HSD17B12: variants seen among roughly 807,000 people sequenced by gnomAD.
HSD17B12 encodes hydroxysteroid 17-beta dehydrogenase 12.
A neutral mutation model predicts 39.3 loss-of-function variants in HSD17B12; 32 were observed. The ratio of observed to expected loss-of-function variants is 0.81; its 90% CI spans 0.61 to 1.09. The LOEUF is 1.09. Ranked by LOEUF, HSD17B12 falls within the 50% of genes least tolerant of loss-of-function variation. HSD17B12 has a pLI of 0.00. For synonymous variants in HSD17B12, 150 were observed against 146.7 expected, an observed-to-expected ratio of 1.02 and a Z score of -0.16; for missense variants, 342 against 382.9, an observed-to-expected ratio of 0.89 and a Z score of 0.89.
chr11:43,754,517 A>G (rs1460192820), intron 3 of HSD17B12, among the ~76,000 whole-genome samples: 1 of 152,336 alleles, frequency 6.6e-6, no homozygotes, highest in East Asian at 1.9e-4. Flanking sequence ...TGGAAGTTGC[A>G]GTGAGCCAAG....
At chr11:43,798,272 G>A in intron 3 of HSD17B12, 48 bp from the exon 4 acceptor site, 3 of 1,061,076 alleles carry the variant, frequency 2.8e-6, no homozygotes, top group Middle Eastern at 2.5e-4. Context: ...TCACTGCCAT[G>A]TACTAATTTT....
intron 1 of HSD17B12, among the ~76,000 whole-genome samples, chr11:43,737,466 ATTC>A (rs1950327122): frequency 6.6e-6 from 1 of 152,184 alleles, no homozygotes; most frequent in African/African-American, 2.4e-5. Flanking sequence ...AAGTTGGGCT[ATTC>A]TTTATAGTTG....
chr11:43,561,685 C>CT, the HSD17B12 span, among the ~76,000 whole-genome samples: 12,110 of 151,086 alleles, frequency 0.08, 941 homozygotes, highest in East Asian at 0.45. Context: ...CACAAACACC[C>CT]TTTTTTTTTG....
the HSD17B12 span, among the ~76,000 whole-genome samples, chr11:43,652,628 C>T: frequency 2.0e-5 from 3 of 151,840 alleles, no homozygotes; most frequent in Admixed American, 1.3e-4. Flanking sequence ...AATTTGCTAG[C>T]GTGGCTCACA....
In HSD17B12 at chr11:43,855,309, G is replaced by A; in HGVS notation, c.*61G>A. 1.1e-6 allele frequency: 1 copy of A among 937,522 alleles called. No homozygotes were observed. The highest frequency in any genetic ancestry group is 1.6e-6 in the Non-Finnish European group (1 of 619,678). The allele number at this position is 937,522 out of a possible 1,614,324, so 58.1% of individuals were successfully genotyped here. ...CCAGCATATGCACGTTCACTGCAAA[G>A]CACCCTACTGGTTTTGAAAATCTGA... On this transcript the variant is annotated 3_prime_UTR_variant, in exon 11 of 11. Transcript: ENST00000278353.
rs112651963 is a variant in HSD17B12, at chr11:43,681,926, A to G, written c.160+939A>G. 1.1e-4 allele frequency among the ~76,000 whole-genome samples: 15 copies of G among 136,460 alleles called. No homozygotes were observed. In the East Asian group the frequency reaches 1.3e-3, roughly 12 times the overall value. 89.5% of individuals were successfully genotyped at this position (136,460 alleles called of 152,430 possible). A position where few individuals can be genotyped will look rare whatever the true frequency, so the allele number is the denominator to read the frequency against. ...TTCCCTTTAAACCGAGTGATTACTT[A>G]TGATATGCTTGTGGTCCTACCCTGA... is the stretch of plus-strand genomic sequence containing the variant. On this transcript the variant is annotated intron_variant, in intron 1 of 10. Transcript: ENST00000278353.
Position 43,831,150 on chromosome 11 carries a change from C to G in HSD17B12, c.536+140C>G. The G allele has an allele frequency of 1.5e-6, 1 of 660,064 alleles. No homozygotes were observed. 40.9% of individuals were successfully genotyped at this position (660,064 alleles called of 1,614,324 possible). A position where few individuals can be genotyped will look rare whatever the true frequency, so the allele number is the denominator to read the frequency against. ...CTTAGCCACAGAGTGATGTACCAGG[C>G]GAGTCACAGTAGAGCATGAGTCATC... On this transcript the variant is annotated intron_variant, in intron 7 of 10. Coordinates refer to ENST00000278353, the MANE Select transcript of HSD17B12 (RefSeq NM_016142.3). The surrounding 1 kb of genome is among the most constrained non-coding windows in gnomAD (Gnocchi z 4.1).
intron 3 of HSD17B12, among the ~76,000 whole-genome samples, chr11:43,795,296 C>T (rs189540576): frequency 3.9e-5 from 6 of 152,258 alleles, no homozygotes; most frequent in African/African-American, 1.4e-4. Flanking sequence ...CACACACCAT[C>T]GTTCTCAACT....
At chr11:43,700,609 A>C (rs1949955303) in intron 1 of HSD17B12, among the ~76,000 whole-genome samples, 1 of 152,124 alleles carries the variant, frequency 6.6e-6, no homozygotes, top group South Asian at 2.1e-4. Context: ...TGCCTGACTT[A>C]TTTCACTTGA....
the HSD17B12 span, among the ~76,000 whole-genome samples, chr11:43,577,058 G>A: frequency 1.3e-5 from 2 of 152,334 alleles, no homozygotes; most frequent in Middle Eastern, 3.4e-3. Context: ...TAAAGAGAGG[G>A]AAAAATCTCT....
chr11:43,774,473 A>G (rs1453072339), intron 3 of HSD17B12, among the ~76,000 whole-genome samples: 1 of 152,148 alleles, frequency 6.6e-6, no homozygotes, highest in Non-Finnish European at 1.5e-5. Flanking sequence ...ACGGCCTTCC[A>G]AAGAGCTGGG....
chr11:43,582,914 CA>C, the HSD17B12 span, among the ~76,000 whole-genome samples: 1 of 152,188 alleles, frequency 6.6e-6, no homozygotes, highest in Non-Finnish European at 1.5e-5. Flanking sequence ...CTAAGATCTG[CA>C]AAGGAGATGG....
At chr11:43,576,414 A>C in the HSD17B12 span, among the ~76,000 whole-genome samples, 2 of 152,194 alleles carry the variant, frequency 1.3e-5, no homozygotes, top group African/African-American at 2.4e-5. Context: ...ATCGTGTTCC[A>C]GAAATAAACC....
At chr11:43,717,863 G>A (rs2134854942) in intron 1 of HSD17B12, among the ~76,000 whole-genome samples, 1 of 148,020 alleles carries the variant, frequency 6.8e-6, no homozygotes, top group Non-Finnish European at 1.5e-5. Context: ...GGAGTGCAGT[G>A]GCACCATCTT....
intron 1 of HSD17B12, among the ~76,000 whole-genome samples, chr11:43,742,604 G>A (rs918876962): frequency 6.6e-6 from 1 of 152,088 alleles, no homozygotes; most frequent in Non-Finnish European, 1.5e-5. Context: ...CATGTAACTT[G>A]TAGATCTAAA....
intron 1 of HSD17B12, among the ~76,000 whole-genome samples, chr11:43,703,136 T>A (rs1949981395): frequency 6.6e-6 from 1 of 152,234 alleles, no homozygotes; most frequent in Non-Finnish European, 1.5e-5. Flanking sequence ...GTTTTCAGAA[T>A]AGTTTGAGAA....
intron 1 of HSD17B12, among the ~76,000 whole-genome samples, chr11:43,692,754 C>T (rs564924396): frequency 1.1e-4 from 17 of 152,264 alleles, no homozygotes; most frequent in African/African-American, 4.1e-4. Context: ...TAAAATAAGT[C>T]CATACCTTCT....
intron 9 of HSD17B12, 36 bp from the exon 10 acceptor site, chr11:43,854,679 A>C (rs1397139455): frequency 1.1e-5 from 17 of 1,610,406 alleles, no homozygotes; most frequent in Non-Finnish European, 1.4e-5. Context: ...TTACTAATCA[A>C]TGGCATGTTT....
intron 1 of HSD17B12, among the ~76,000 whole-genome samples, chr11:43,712,086 A>G (rs1258238132): frequency 1.3e-5 from 2 of 152,086 alleles, no homozygotes; most frequent in African/African-American, 4.8e-5. Context: ...AACATTTACA[A>G]TCTATTTTCT....
Sources: allele counts gnomAD v4.1 joint callset (sites outside exome capture counted in the v4.1 genomes callset), GRCh38; gene constraint gnomAD v4.1.1; non-coding constraint Gnocchi (gnomAD v3.1); transcripts MANE v1.5; gene names NCBI Gene and HGNC (gene_info 2026-07-23, HGNC 2026-07-21).